TMIGD3: variants seen among roughly 807,000 people sequenced by gnomAD.
TMIGD3 encodes AD026 protein (AD026).
A neutral mutation model predicts 28.1 loss-of-function variants in TMIGD3; 21 were observed. The ratio of observed to expected loss-of-function variants is 0.75; its 90% CI spans 0.53 to 1.08. The LOEUF (loss-of-function observed/expected upper bound fraction) is 1.08, where lower values mean the gene tolerates loss of function less well. Ranked by LOEUF, TMIGD3 falls within the 50% of genes least tolerant of loss-of-function variation. The probability of loss-of-function intolerance (pLI) is 0.00; values close to 1 mark genes in which losing one functional copy is unlikely to be tolerated. For synonymous variants in TMIGD3, 151 were observed against 162.1 expected (o/e 0.93, Z 0.52); for missense variants, 416 against 435.6 (o/e 0.96, Z 0.40).
chr1:111,510,567 T>C (rs897142629), intron 1 of TMIGD3, among the ~76,000 whole-genome samples: 5 of 152,200 alleles, frequency 3.3e-5, no homozygotes, highest in African/African-American at 1.2e-4. Context: ...TCAGAGCCGA[T>C]GTTCGGTCTC....
At chr1:111,532,504 C>T (rs1271830106) in intron 1 of TMIGD3, among the ~76,000 whole-genome samples, 2 of 152,110 alleles carry the variant, frequency 1.3e-5, no homozygotes, top group Non-Finnish European at 2.9e-5. Flanking sequence ...AGACTCAGTC[C>T]CTGGGCTGGG....
chr1:111,524,914 T>C (rs771127109), intron 1 of TMIGD3, among the ~76,000 whole-genome samples: 3 of 152,172 alleles, frequency 2.0e-5, no homozygotes, highest in Non-Finnish European at 4.4e-5. Flanking sequence ...GCCACCCCTC[T>C]TGGCCTCTAA....
At chr1:111,493,706 A>G (rs1378920868) in intron 1 of TMIGD3, among the ~76,000 whole-genome samples, 1 of 152,196 alleles carries the variant, frequency 6.6e-6, no homozygotes, top group Non-Finnish European at 1.5e-5. Flanking sequence ...TGATCTTACA[A>G]ATGAAGAAAA....
chr1:111,500,186 GA>G, intron 1 of TMIGD3: 1 of 1,614,164 alleles, frequency 6.2e-7, no homozygotes, highest in Non-Finnish European at 8.5e-7. Flanking sequence ...AGCCATGACA[GA>G]GCAAACAAGA....
At chr1:111,551,930 T>C (rs899363200) in intron 1 of TMIGD3, among the ~76,000 whole-genome samples, 1 of 152,256 alleles carries the variant, frequency 6.6e-6, no homozygotes, top group African/African-American at 2.4e-5. Context: ...TTCTTGAGCA[T>C]GTGAACAGTT....
intron 1 of TMIGD3, among the ~76,000 whole-genome samples, chr1:111,499,090 C>CAAAA (rs59510125): frequency 0.12 from 16,240 of 135,290 alleles, 1,122 homozygotes; most frequent in Middle Eastern, 0.21. Context: ...GACCTTGTCT[C>CAAAA]AAAAAAAAAA....
rs187779721 is a variant in TMIGD3, at chr1:111,490,529, T to G, written c.457+127A>C. 265 of 657,138 alleles carry G rather than the reference T, an allele frequency of 4.0e-4. 3 individuals carry two copies. In the East Asian group the frequency reaches 5.8e-3, roughly 14 times the overall value. The allele number at this position is 657,138 out of a possible 1,614,324, so 40.7% of individuals were successfully genotyped here. ...AGACCTATTTTCATCGCCTTTTATT[T>G]TCCCATCCCACTCCTTAGATGGTTC... On this transcript the variant is annotated intron_variant, in intron 2 of 5. Transcript: ENST00000369716.
intron 1 of TMIGD3, among the ~76,000 whole-genome samples, chr1:111,530,988 T>C (rs11102301): frequency 0.17 from 25,410 of 152,248 alleles, 2,325 homozygotes; most frequent in East Asian, 0.46. Flanking sequence ...TGAAGTTTTG[T>C]CATAGCTTAC....
chr1:111,560,022 C>A lies in TMIGD3; in HGVS notation c.107+3824G>T, dbSNP rs140019483. On this transcript the variant is annotated intron_variant, in intron 1 of 5. Transcript: ENST00000369717. ...CATCAAACACTGAGTTAAAAATTGCCGCTCAGAGTAGGCAATTTTTTTCAT... is the reference window on the plus strand; with the variant it reads ...CATCAAACACTGAGTTAAAAATTGCAGCTCAGAGTAGGCAATTTTTTTCAT... Among the ~76,000 whole-genome samples the A allele has an allele frequency of 6.0e-4, 92 of 152,308 alleles. 1 individual carries two copies. In the East Asian group the frequency reaches 0.017, roughly 29 times the overall value.
At chr1:111,490,440 T>A in intron 2 of TMIGD3, 2 of 560,816 alleles carry the variant, frequency 3.6e-6, no homozygotes, top group Non-Finnish European at 3.2e-6. Context: ...ATCATTTTAG[T>A]CAAGCTTTTC....
intron 1 of TMIGD3, among the ~76,000 whole-genome samples, chr1:111,552,398 A>G (rs1267226294): frequency 6.6e-6 from 1 of 152,204 alleles, no homozygotes; most frequent in African/African-American, 2.4e-5. Flanking sequence ...ATTTTTCCTG[A>G]ATACGTGTTC....
chr1:111,500,658 T>C (rs1655128726), intron 1 of TMIGD3: 14 of 1,119,686 alleles, frequency 1.3e-5, no homozygotes, highest in Non-Finnish European at 1.3e-6. Context: ...ATAAGGCATA[T>C]ACTCTCTTAA....
At chr1:111,514,430 A>C (rs538851264) in intron 1 of TMIGD3, among the ~76,000 whole-genome samples, 95 of 152,084 alleles carry the variant, frequency 6.2e-4, no homozygotes, top group African/African-American at 2.1e-3. Flanking sequence ...AAAATTATAG[A>C]CCTGCACCTG....
At chr1:111,508,901 C>T (rs1655601181) in intron 1 of TMIGD3, among the ~76,000 whole-genome samples, 1 of 152,160 alleles carries the variant, frequency 6.6e-6, no homozygotes, top group African/African-American at 2.4e-5. Context: ...TCTAGACCAG[C>T]GTGACCAACG....
intron 1 of TMIGD3, among the ~76,000 whole-genome samples, chr1:111,542,992 C>T (rs1170003219): frequency 2.0e-5 from 3 of 152,108 alleles, no homozygotes; most frequent in Non-Finnish European, 4.4e-5. Context: ...TGAGCCATGG[C>T]GCCCGGCCAT....
chr1:111,523,030 A>C (rs1049259576), intron 1 of TMIGD3, among the ~76,000 whole-genome samples: 14 of 152,190 alleles, frequency 9.2e-5, no homozygotes, highest in Admixed American at 2.0e-4. Flanking sequence ...GTTAAATAGA[A>C]ATGGAGAGAG....
chr1:111,509,092 C>T (rs1014562591), intron 1 of TMIGD3, among the ~76,000 whole-genome samples: 1 of 152,182 alleles, frequency 6.6e-6, no homozygotes, highest in Non-Finnish European at 1.5e-5. Flanking sequence ...GAGACTCCGT[C>T]TCAAACAAAC....
rs1339667189 is a variant in TMIGD3 at position 111,530,020 on chromosome 1, C to T, written c.107+33826G>A. ...GGCGCTGACCCCCCCACCTCCCTCC[C>T]GGACGGGGCGGCTGGCCGGGCAGAG... is the stretch of plus-strand genomic sequence containing the variant. On this transcript the variant is annotated intron_variant, in intron 1 of 5. Coordinates refer to the TMIGD3 transcript ENST00000369717. 9.7e-5 allele frequency among the ~76,000 whole-genome samples: 14 copies of T among 143,656 alleles called. 1 individual carries two copies. Among genetic ancestry groups the T allele is most frequent in the African/African-American group, 2.9e-4 (11 of 37,864 alleles). The allele number at this position is 143,656 out of a possible 152,430, so 94.2% of individuals were successfully genotyped here. A position where few individuals can be genotyped will look rare whatever the true frequency, so the allele number is the denominator to read the frequency against.
At chr1:111,547,306 G>T (rs1557844585) in intron 1 of TMIGD3, among the ~76,000 whole-genome samples, 1 of 151,854 alleles carries the variant, frequency 6.6e-6, no homozygotes, top group Non-Finnish European at 1.5e-5. Flanking sequence ...TCATGAAAGG[G>T]TACTGGATTT....
Sources: allele counts gnomAD v4.1 joint callset (sites outside exome capture counted in the v4.1 genomes callset), GRCh38; gene constraint gnomAD v4.1.1; transcripts MANE v1.5; gene names NCBI Gene and HGNC (gene_info 2026-07-23, HGNC 2026-07-21).